PWP1: variants seen among roughly 807,000 people sequenced by gnomAD.
The protein encoded by PWP1 is PWP1 homolog, endonuclein, also known as periodic tryptophan protein 1 homolog.
In PWP1, 47 loss-of-function variants were observed where a neutral mutation model predicts 69.9. That is an observed-to-expected ratio of 0.67 (90% CI 0.53 to 0.86). PWP1 has a LOEUF of 0.86. Ranked by LOEUF, PWP1 falls within the 40% of genes least tolerant of loss-of-function variation. The pLI is 0.00. For synonymous variants in PWP1, 222 were observed against 208.2 expected (o/e 1.07, Z -0.57); for missense variants, 551 against 608.8 (o/e 0.91, Z 1.00).
chr12:107,690,377 ATAAAAAAGTT>A (rs1281556834), intron 3 of PWP1, among the ~76,000 whole-genome samples: 1 of 152,218 alleles, frequency 6.6e-6, no homozygotes, highest in African/African-American at 2.4e-5. Context: ...TGTCTAAATA[ATAAAAAAGTT>A]TAAAAAAGTT....
At chr12:107,697,436 G>T (rs1296842984) in intron 6 of PWP1, 31 bp from the exon 7 acceptor site, 3 of 1,536,624 alleles carry the variant, frequency 2.0e-6, no homozygotes, top group Non-Finnish European at 2.6e-6. Flanking sequence ...CTTTTTTTGT[G>T]TAATCATACA....
chr12:107,712,607 T>C lies in PWP1; in HGVS notation c.*387T>C, dbSNP rs1265609427. On this transcript the variant is annotated 3_prime_UTR_variant, in exon 15 of 15. Transcript: ENST00000412830. The stretch of plus-strand genomic sequence containing the variant: ...TGGAAAGGCTGTTATTTGGCTAAAA[T>C]TGCACAGGAGGCCATGAACAGAGGC... 2 of 161,970 alleles carry C rather than the reference T, an allele frequency of 1.2e-5. No homozygotes were observed. Among genetic ancestry groups the C allele is most frequent in the Non-Finnish European group, 2.7e-5 (2 of 74,216 alleles). 10.0% of individuals were successfully genotyped at this position (161,970 alleles called of 1,614,324 possible). A position where few individuals can be genotyped will look rare whatever the true frequency, so the allele number is the denominator to read the frequency against.
At chr12:107,700,749 A>C (rs1162571079) in intron 8 of PWP1, among the ~76,000 whole-genome samples, 1 of 152,092 alleles carries the variant, frequency 6.6e-6, no homozygotes, top group Non-Finnish European at 1.5e-5. Context: ...CCACCATACT[A>C]TTTTCCATAA....
intron 3 of PWP1, among the ~76,000 whole-genome samples, chr12:107,689,340 A>G (rs1889436413): frequency 6.6e-6 from 1 of 152,150 alleles, no homozygotes; most frequent in Non-Finnish European, 1.5e-5. Flanking sequence ...TAATGTATAT[A>G]AGGTTTGGTA....
intron 8 of PWP1, among the ~76,000 whole-genome samples, chr12:107,699,934 T>C (rs1338641842): frequency 6.6e-6 from 1 of 152,212 alleles, no homozygotes; most frequent in East Asian, 1.9e-4. Flanking sequence ...CAGTTCTGTA[T>C]GGCTGGGGAG....
intron 11 of PWP1, among the ~76,000 whole-genome samples, chr12:107,707,887 T>C (rs2136287033): frequency 6.6e-6 from 1 of 152,212 alleles, no homozygotes; most frequent in African/African-American, 2.4e-5. Context: ...TCTGCCGGGC[T>C]TTGGTATCAG....
At position 107,710,524 on chromosome 12, in the gene PWP1, G is replaced by A; in HGVS notation, c.1396+14G>A. The stretch of plus-strand genomic sequence containing the variant: ...CAGTCTCTTCAGGTAAGGATTTTTA[G>A]TTCTCTGCACACCTCCCCCTGCCCC... On this transcript the variant is annotated intron_variant, in intron 14 of 14. Coordinates refer to ENST00000412830, the MANE Select transcript of PWP1 (RefSeq NM_007062.3). 7 of 1,351,254 alleles carry A rather than the reference G, an allele frequency of 5.2e-6. No individual in the cohort carries two copies. The highest frequency in any genetic ancestry group is 1.2e-5 in the South Asian group (1 of 86,018). 83.7% of individuals were successfully genotyped at this position (1,351,254 alleles called of 1,614,324 possible). A position where few individuals can be genotyped will look rare whatever the true frequency, so the allele number is the denominator to read the frequency against.
intron 14 of PWP1, 42 bp downstream of exon 14, chr12:107,710,552 TAAAAAAA>T (rs35371581): frequency 9.8e-5 from 113 of 1,157,962 alleles, no homozygotes; most frequent in South Asian, 5.7e-4. Flanking sequence ...CCTGCCCCTG[TAAAAAAA>T]AAAAAAAAAA....
At chr12:107,690,823 G>A (rs1889466689) in intron 3 of PWP1, among the ~76,000 whole-genome samples, 1 of 152,142 alleles carries the variant, frequency 6.6e-6, no homozygotes, top group African/African-American at 2.4e-5. Context: ...CTCTCCACTT[G>A]TGTTCATTTT....
rs202155195 is a variant in PWP1, at chr12:107,709,082, C to T, written c.1169-29C>T. On this transcript the variant is annotated intron_variant, in intron 12 of 14. Transcript: ENST00000412830. ...GATGAAGTAAATCTGTATTTCAAAG[C>T]GAAAGTGTCTAAACTTATCTTCCTT... 48 of 1,613,524 alleles carry T rather than the reference C, an allele frequency of 3.0e-5. No individual in the cohort carries two copies. The highest frequency in any genetic ancestry group is 4.5e-5 in the East Asian group (2 of 44,876).
chr12:107,686,969 C>CAAAA (rs61728433), intron 1 of PWP1, among the ~76,000 whole-genome samples: 42 of 106,852 alleles, frequency 3.9e-4, no homozygotes, highest in East Asian at 7.1e-4. Flanking sequence ...GACTCCGTCT[C>CAAAA]AAAAAAAAAA....
chr12:107,696,792 G>GAGGT (rs993361291), intron 6 of PWP1, among the ~76,000 whole-genome samples: 28 of 152,286 alleles, frequency 1.8e-4, no homozygotes, highest in African/African-American at 6.3e-4. Context: ...GTAGGCTAAG[G>GAGGT]AGGTAGCTGC....
Position 107,703,590 on chromosome 12 carries a change from T to C in PWP1, c.904-95T>C, listed in dbSNP as rs553302124. 824 of 1,071,354 alleles carry C rather than the reference T, an allele frequency of 7.7e-4. 1 individual carries two copies. The highest frequency in any genetic ancestry group is 1.1e-3 in the Non-Finnish European group (773 of 692,206). 66.4% of individuals were successfully genotyped at this position (1,071,354 alleles called of 1,614,324 possible). A position where few individuals can be genotyped will look rare whatever the true frequency, so the allele number is the denominator to read the frequency against. On this transcript the variant is annotated intron_variant, in intron 9 of 14. Transcript: ENST00000412830. ...ACTGTATTTCAGAGGGACGCATTTATAGAAATACTGTCAAATAGATTCTTA... is the reference window on the plus strand; with the variant it reads ...ACTGTATTTCAGAGGGACGCATTTACAGAAATACTGTCAAATAGATTCTTA...
chr12:107,690,781 T>C (rs1037883112), intron 3 of PWP1, among the ~76,000 whole-genome samples: 2 of 152,158 alleles, frequency 1.3e-5, no homozygotes, highest in African/African-American at 4.8e-5. Flanking sequence ...GTGTTAACTG[T>C]TAAAGCAAGG....
At position 107,697,574 on chromosome 12, in the gene PWP1, A is replaced by G. The variant is rs1889616412; in HGVS notation, c.721A>G (p.Lys241Glu). The G allele has an allele frequency of 6.2e-7, 1 of 1,604,004 alleles. No individual in the cohort carries two copies. Residue 241 changes from lysine (K) to glutamate (E), a missense_variant, in exon 7 of 15, where the codon AAG (lysine) becomes GAG (glutamate). Coordinates refer to ENST00000412830, the MANE Select transcript of PWP1 (RefSeq NM_007062.3). ...CACACTCGGAAGTAAACTTTCAAAA[A>G]AGAAGAAAAAGAAAGGAAAGAAGGT... ...VFTLGSKLSK[K>E]KKKKGKKSSS...
At chr12:107,700,737 A>C (rs1889691708) in intron 8 of PWP1, among the ~76,000 whole-genome samples, 1 of 152,064 alleles carries the variant, frequency 6.6e-6, no homozygotes, top group South Asian at 2.1e-4. Flanking sequence ...TTTTTTGAGG[A>C]GCCACCATAC....
At chr12:107,692,023 G>GT (rs939101938) in intron 3 of PWP1, among the ~76,000 whole-genome samples, 1 of 152,148 alleles carries the variant, frequency 6.6e-6, no homozygotes, top group African/African-American at 2.4e-5. Flanking sequence ...TGGACTCTGG[G>GT]TTATGGGCTC....
intron 3 of PWP1, 130 bp from the exon 4 acceptor site, chr12:107,692,684 C>T (rs962137663): frequency 1.3e-6 from 1 of 763,986 alleles, no homozygotes; most frequent in Admixed American, 3.2e-5. Context: ...TTTCCTTTCC[C>T]AACTCTAGAT....
At chr12:107,698,849 T>A (rs552926507) in intron 7 of PWP1, among the ~76,000 whole-genome samples, 1 of 152,322 alleles carries the variant, frequency 6.6e-6, no homozygotes. Flanking sequence ...CACGTTAGCT[T>A]CCCAAGGTCC....
Sources: allele counts gnomAD v4.1 joint callset (sites outside exome capture counted in the v4.1 genomes callset), GRCh38; gene constraint gnomAD v4.1.1; transcripts MANE v1.5; gene names NCBI Gene and HGNC (gene_info 2026-07-23, HGNC 2026-07-21).